The following TMC1 variants were observed in gnomAD, a reference collection of about 807,000 sequenced individuals.
The protein encoded by TMC1 is transmembrane channel like 1.
In TMC1, 84 loss-of-function variants were observed where a neutral mutation model predicts 105.8. The observed-to-expected ratio is 0.79, with a 90% CI of 0.67 to 0.95. The LOEUF is 0.95. Among genes scored for constraint, TMC1 ranks in the 40% least tolerant of loss-of-function variants. The probability of loss-of-function intolerance (pLI) is 0.00; values close to 1 mark genes in which losing one functional copy is unlikely to be tolerated. For missense variants in TMC1, 817 were observed against 914.1 expected (o/e 0.89, Z 1.37); for synonymous variants, 315 against 311.5 (o/e 1.01, Z -0.12).
intron 6 of TMC1, among the ~76,000 whole-genome samples, chr9:72,689,156 G>A (rs1826421672): frequency 6.6e-6 from 1 of 152,028 alleles, no homozygotes; most frequent in East Asian, 1.9e-4. Flanking sequence ...GACGAAAAGG[G>A]TATAATCTAA....
At chr9:72,793,614 C>T (rs1828314035) in intron 17 of TMC1, among the ~76,000 whole-genome samples, 2 of 152,202 alleles carry the variant, frequency 1.3e-5, no homozygotes, top group Non-Finnish European at 2.9e-5. Context: ...TTTGGGCCAG[C>T]AACGGGTCTG....
chr9:72,716,034 T>C (rs1268338927), intron 8 of TMC1, among the ~76,000 whole-genome samples: 1 of 152,210 alleles, frequency 6.6e-6, no homozygotes, highest in African/African-American at 2.4e-5. Flanking sequence ...GCAGGTCTGC[T>C]GGAGTTTGCT....
intron 13 of TMC1, among the ~76,000 whole-genome samples, chr9:72,778,338 C>T (rs1389051742): frequency 3.3e-5 from 5 of 152,094 alleles, no homozygotes; most frequent in Non-Finnish European, 7.4e-5. Flanking sequence ...AGACTCTGTG[C>T]TGAAGTTAGA....
chr9:72,613,611 A>G (rs1009906220), intron 2 of TMC1, among the ~76,000 whole-genome samples: 1 of 152,170 alleles, frequency 6.6e-6, no homozygotes, highest in African/African-American at 2.4e-5. Context: ...AGGAAGGACT[A>G]TCTGTGAAAG....
chr9:72,723,241 G>A (rs758999256), intron 8 of TMC1, among the ~76,000 whole-genome samples: 2 of 151,252 alleles, frequency 1.3e-5, no homozygotes, highest in Non-Finnish European at 2.9e-5. Context: ...TTGTTTATAT[G>A]ACTTTCCTCC....
intron 13 of TMC1, among the ~76,000 whole-genome samples, chr9:72,784,410 AAAAC>A (rs139056601): frequency 0.37 from 56,723 of 151,472 alleles, 11,246 homozygotes; most frequent in African/African-American, 0.52. Context: ...ACTATTGTTA[AAAAC>A]AAACAAACAA....
At chr9:72,781,961 A>G (rs189734456) in intron 13 of TMC1, among the ~76,000 whole-genome samples, 16 of 152,334 alleles carry the variant, frequency 1.1e-4, no homozygotes, top group Admixed American at 6.5e-4. Context: ...AACTCATTCC[A>G]TGAGACCAGC....
chr9:72,656,247 G>C (rs903677420), intron 5 of TMC1: 29 of 438,642 alleles, frequency 6.6e-5, no homozygotes, highest in Non-Finnish European at 1.1e-4. Flanking sequence ...ACAGTGGTGA[G>C]TCAGGAGCAG....
chr9:72,582,157 A>G lies in TMC1; in HGVS notation c.-306+4134A>G, dbSNP rs570142581. On this transcript the variant is annotated intron_variant, in intron 2 of 23. Transcript: ENST00000297784. ...CTTTTAGTGGAGATGGGGTTTCTCC[A>G]TCTTGGTCAGGCTGGTCTCTAATTC... Among the ~76,000 whole-genome samples, 47 of 152,200 alleles carry G rather than the reference A, an allele frequency of 3.1e-4. No individual in the cohort carries two copies. The East Asian group carries it at 8.5e-3, about 28-fold the overall frequency.
intron 19 of TMC1, 102 bp downstream of exon 19, chr9:72,816,312 T>C: frequency 8.7e-7 from 1 of 1,154,948 alleles, no homozygotes. Context: ...ACAATCGGTG[T>C]CTAACTCCAT....
intron 2 of TMC1, among the ~76,000 whole-genome samples, chr9:72,591,812 C>T (rs368626981): frequency 1.3e-5 from 2 of 152,152 alleles, no homozygotes; most frequent in East Asian, 3.9e-4. Flanking sequence ...TAAAGCAAGC[C>T]TCTCTCCTTG....
At position 72,551,807 on chromosome 9, in the gene TMC1, C is replaced by G. The variant is rs146154239; in HGVS notation, c.-427-26095C>G. On this transcript the variant is annotated intron_variant, in intron 1 of 23. Coordinates refer to ENST00000297784, the MANE Select transcript of TMC1 (RefSeq NM_138691.3). ...GCTCTGATCCAATATGGCCGGCATC[C>G]TCATAAGAAGAGGAGAAGAGACATA... Among the ~76,000 whole-genome samples the G allele has an allele frequency of 4.1e-3, 617 of 152,150 alleles. 3 individuals carry two copies. Among genetic ancestry groups the G allele is most frequent in the African/African-American group, 0.014 (586 of 41,490 alleles).
chr9:72,683,277 CT>C (rs1826316980), intron 5 of TMC1, among the ~76,000 whole-genome samples: 1 of 132,702 alleles, frequency 7.5e-6, no homozygotes, highest in South Asian at 2.4e-4. Flanking sequence ...GATTGATTTA[CT>C]TTTTGTTTGG....
At chr9:72,609,213 CT>C (rs1824981440) in intron 2 of TMC1, among the ~76,000 whole-genome samples, 1 of 149,242 alleles carries the variant, frequency 6.7e-6, no homozygotes, top group Admixed American at 6.7e-5. Context: ...TCCTTCCTTC[CT>C]TCCTTCCTTC....
chr9:72,775,987 C>T (rs1827999767), intron 13 of TMC1, among the ~76,000 whole-genome samples: 1 of 152,198 alleles, frequency 6.6e-6, no homozygotes, highest in African/African-American at 2.4e-5. Flanking sequence ...GAATCTTCCC[C>T]TATGACCCAA....
chr9:72,635,872 T>G (rs966365917), intron 4 of TMC1, among the ~76,000 whole-genome samples: 3 of 152,210 alleles, frequency 2.0e-5, no homozygotes, highest in African/African-American at 7.2e-5. Flanking sequence ...AACACTTGTT[T>G]TAGTGCAGAT....
At chr9:72,635,261 A>G (rs1487312514) in intron 4 of TMC1, among the ~76,000 whole-genome samples, 3 of 152,032 alleles carry the variant, frequency 2.0e-5, no homozygotes, top group African/African-American at 7.2e-5. Flanking sequence ...TCCAAAAAAA[A>G]AAAAAGAAAG....
At chr9:72,810,153 A>C (rs1828675686) in intron 18 of TMC1, among the ~76,000 whole-genome samples, 1 of 151,314 alleles carries the variant, frequency 6.6e-6, no homozygotes, top group Non-Finnish European at 1.5e-5. Context: ...AAAAAAAAAA[A>C]AAACTAAAAT....
intron 11 of TMC1, among the ~76,000 whole-genome samples, chr9:72,754,011 C>G (rs1361255506): frequency 6.6e-6 from 1 of 152,210 alleles, no homozygotes; most frequent in African/African-American, 2.4e-5. Context: ...TTCAGTCAAG[C>G]TCTGCACCCA....
Sources: gnomAD v4.1 joint callset for allele counts (sites outside exome capture counted in the v4.1 genomes callset) on GRCh38, gnomAD v4.1.1 for gene constraint, MANE v1.5 for transcripts, NCBI Gene and HGNC (gene_info 2026-07-23, HGNC 2026-07-21) for gene names.